The following TRPM3 variants were observed in gnomAD, a reference collection of about 807,000 sequenced individuals.
TRPM3 encodes the protein long transient receptor potential channel 3.
A neutral mutation model predicts 181.2 loss-of-function variants in TRPM3; 77 were observed. The observed-to-expected ratio is 0.42, with a 90% CI of 0.35 to 0.51. The LOEUF (loss-of-function observed/expected upper bound fraction) is 0.51. Ranked by LOEUF, TRPM3 falls within the 20% of genes least tolerant of loss-of-function variation. The pLI is 0.01. For missense variants in TRPM3, 1,759 were observed against 2,196.7 expected (o/e 0.80, Z 3.98); for synonymous variants, 745 against 796.4 (o/e 0.94, Z 1.09).
At position 70,672,637 on chromosome 9, in the gene TRPM3, C is replaced by G. The variant is rs573669115; in HGVS notation, c.1345+8869G>C. Among the ~76,000 whole-genome samples, 4 of 152,126 alleles carry G rather than the reference C, an allele frequency of 2.6e-5. No individual in the cohort carries two copies. In the South Asian group the frequency reaches 8.3e-4, roughly 32 times the overall value. On this transcript the variant is annotated intron_variant, in intron 9 of 25. Coordinates refer to ENST00000677713, the MANE Select transcript of TRPM3 (RefSeq NM_001366145.2). ...AAAAATAAAACAAGTATGAGATCACCCTTATTCTTGCCATTATATTAGATA... is the reference window on the plus strand; with the variant it reads ...AAAAATAAAACAAGTATGAGATCACGCTTATTCTTGCCATTATATTAGATA...
chr9:70,806,690 A>AAAAATAAAATAAAATAAAAT lies in TRPM3; in HGVS notation c.973+21137_973+21156dup, dbSNP rs144668023. 6.4e-3 allele frequency among the ~76,000 whole-genome samples: 955 copies of AAAAATAAAATAAAATAAAAT among 148,840 alleles called. 13 individuals carry two copies. Among genetic ancestry groups the AAAAATAAAATAAAATAAAAT allele is most frequent in the African/African-American group, 0.022 (901 of 40,658 alleles). On this transcript the variant is annotated intron_variant, in intron 6 of 25. Coordinates refer to ENST00000677713, the MANE Select transcript of TRPM3 (RefSeq NM_001366145.2). Reference sequence around the variant, plus strand: ...GGGTGACAGAGCTAGACTCCGTCTCAAAAATAAAATAAAATAAAATAAAAT... The same window carrying AAAAATAAAATAAAATAAAAT: ...GGGTGACAGAGCTAGACTCCGTCTCAAAAATAAAATAAAATAAAATAAAATAAAATAAAATAAAATAAAAT...
intron 1 of TRPM3, among the ~76,000 whole-genome samples, chr9:71,195,840 A>T (rs997659975): frequency 6.6e-5 from 10 of 152,092 alleles, no homozygotes; most frequent in Non-Finnish European, 1.5e-5. Context: ...CATTATCCTT[A>T]GCAAGCTAAC....
intron 1 of TRPM3, among the ~76,000 whole-genome samples, chr9:71,353,395 T>G (rs924626697): frequency 6.6e-6 from 1 of 152,100 alleles, no homozygotes; most frequent in Non-Finnish European, 1.5e-5. Flanking sequence ...AATGGGTGAA[T>G]GCATAAAGGT....
chr9:71,145,699 GA>G (rs1006851068), intron 1 of TRPM3, among the ~76,000 whole-genome samples: 17 of 150,664 alleles, frequency 1.1e-4, no homozygotes, highest in Non-Finnish European at 1.8e-4. Context: ...TAATGATTGA[GA>G]AAAAAAAATT....
intron 22 of TRPM3, among the ~76,000 whole-genome samples, chr9:70,586,367 G>C (rs557206200): frequency 4.6e-5 from 7 of 152,322 alleles, no homozygotes; most frequent in African/African-American, 1.7e-4. Context: ...AACAAGTGTT[G>C]ATCAAAACAG....
intron 6 of TRPM3, among the ~76,000 whole-genome samples, chr9:70,815,095 A>G (rs2131484413): frequency 6.6e-6 from 1 of 152,208 alleles, no homozygotes; most frequent in East Asian, 1.9e-4. Context: ...AGGTATTTTT[A>G]TAAGTATATA....
chr9:71,172,105 T>A (rs1176701996), intron 1 of TRPM3, among the ~76,000 whole-genome samples: 1 of 152,074 alleles, frequency 6.6e-6, no homozygotes, highest in East Asian at 1.9e-4. Flanking sequence ...TCTTGCTCTG[T>A]CGCCCAGGCT....
intron 7 of TRPM3, chr9:70,774,289 A>AT (rs1268864581): frequency 1.3e-5 from 2 of 153,604 alleles, no homozygotes; most frequent in Non-Finnish European, 2.9e-5. Flanking sequence ...AACGACAATG[A>AT]TGAAGACCTT....
chr9:70,928,786 G>A (rs749268189), intron 1 of TRPM3, among the ~76,000 whole-genome samples: 3 of 152,168 alleles, frequency 2.0e-5, no homozygotes, highest in Admixed American at 1.3e-4. Flanking sequence ...CGGGCATCAT[G>A]CAAACTCATG....
intron 1 of TRPM3, among the ~76,000 whole-genome samples, chr9:71,280,078 C>CAAAAA (rs36019274): frequency 9.5e-6 from 1 of 105,736 alleles, no homozygotes; most frequent in Non-Finnish European, 2.0e-5. Flanking sequence ...AACTCCATCT[C>CAAAAA]AAAAAAAAAA....
At chr9:70,850,345 T>G (rs1444172347) in intron 3 of TRPM3, among the ~76,000 whole-genome samples, 3 of 152,130 alleles carry the variant, frequency 2.0e-5, no homozygotes, top group Non-Finnish European at 4.4e-5. Context: ...GAGGAATTTC[T>G]TAAGTAAAAG....
At chr9:71,094,298 T>A (rs1211286260) in intron 1 of TRPM3, among the ~76,000 whole-genome samples, 1 of 151,980 alleles carries the variant, frequency 6.6e-6, no homozygotes, top group African/African-American at 2.4e-5. Context: ...CTTAAAAAAA[T>A]ATTTGGTTGC....
intron 8 of TRPM3, among the ~76,000 whole-genome samples, chr9:70,701,496 G>A (rs1434689409): frequency 6.7e-6 from 1 of 148,460 alleles, no homozygotes; most frequent in South Asian, 2.1e-4. Context: ...GCCTGTGACT[G>A]TGGGGAATTT....
At chr9:70,841,054 A>C (rs563270701) in intron 5 of TRPM3, among the ~76,000 whole-genome samples, 9 of 152,304 alleles carry the variant, frequency 5.9e-5, no homozygotes, top group African/African-American at 1.2e-4. Flanking sequence ...GCATTATTAA[A>C]TGATTTTGGT....
intron 8 of TRPM3, among the ~76,000 whole-genome samples, chr9:70,756,411 A>C (rs770998759): frequency 6.6e-6 from 1 of 152,078 alleles, no homozygotes; most frequent in South Asian, 2.1e-4. Flanking sequence ...TAACACCCCC[A>C]TTGTCAATAT....
intron 1 of TRPM3, among the ~76,000 whole-genome samples, chr9:71,272,785 C>T (rs1435736304): frequency 6.6e-6 from 1 of 151,788 alleles, no homozygotes; most frequent in East Asian, 1.9e-4. Flanking sequence ...GTAAAAAGAA[C>T]TCAAATGCAT....
chr9:70,763,498 TC>T (rs1327990725), intron 7 of TRPM3, among the ~76,000 whole-genome samples: 1 of 152,032 alleles, frequency 6.6e-6, no homozygotes, highest in Non-Finnish European at 1.5e-5. Flanking sequence ...CCAGAACCTG[TC>T]TAAAAAAAAT....
rs142146497 is a variant in TRPM3, at chr9:70,552,866, C to T, written c.3552G>A (p.Pro1184=). 16 of 1,613,964 alleles carry T rather than the reference C, an allele frequency of 9.9e-6. No homozygotes were observed. Among genetic ancestry groups the T allele is most frequent in the East Asian group, 2.2e-5 (1 of 44,890 alleles). The change falls in exon 24 of 26, where the codon CCG becomes CCA. Residue 1184 remains proline (P), a synonymous_variant. Coordinates refer to ENST00000677713, the MANE Select transcript of TRPM3 (RefSeq NM_001366145.2). ...CCRWRKHESD[P]DERDYGLKLF... Reference sequence around the variant, plus strand: ...TACTCAGGCCGTAGTCCCTTTCATCCGGGTCGCTCTCGTGTTTCCTCCATC... The same window carrying T: ...TACTCAGGCCGTAGTCCCTTTCATCTGGGTCGCTCTCGTGTTTCCTCCATC...
chr9:71,384,108 T>G (rs1400073835), intron 1 of TRPM3, among the ~76,000 whole-genome samples: 1 of 152,234 alleles, frequency 6.6e-6, no homozygotes, highest in African/African-American at 2.4e-5. Flanking sequence ...TATCATATAT[T>G]CTGGTGGCTA....
Sources: allele counts gnomAD v4.1 joint callset (sites outside exome capture counted in the v4.1 genomes callset), GRCh38; gene constraint gnomAD v4.1.1; transcripts MANE v1.5; gene names NCBI Gene and HGNC (gene_info 2026-07-23, HGNC 2026-07-21).